The following ADCY1 variants were observed in gnomAD, a reference collection of about 807,000 sequenced individuals.
ADCY1 encodes adenylate cyclase 1.
ADCY1 carries 28 observed loss-of-function variants against 105.4 expected under a neutral mutation model. That is an observed-to-expected ratio of 0.27 (90% confidence interval 0.20 to 0.36). ADCY1 has a LOEUF of 0.36. Among genes scored for constraint, ADCY1 ranks in the 10% least tolerant of loss-of-function variants. ADCY1 has a pLI of 1.00. For missense variants in ADCY1, 977 were observed against 1,434.2 expected, an observed-to-expected ratio of 0.68 and a Z score of 5.15; for synonymous variants, 655 against 623.8, an observed-to-expected ratio of 1.05 and a Z score of -0.75.
chr7:45,684,870 C>A, intron 11 of ADCY1, 109 bp from the exon 12 acceptor site: 2 of 931,782 alleles, frequency 2.1e-6, no homozygotes, highest in Non-Finnish European at 1.7e-6. Context: ...GGATGTGGAC[C>A]TAGCAGCTTG....
At chr7:45,702,290 C>G (rs1026595069) in intron 14 of ADCY1, among the ~76,000 whole-genome samples, 1 of 152,190 alleles carries the variant, frequency 6.6e-6, no homozygotes, top group Non-Finnish European at 1.5e-5. Flanking sequence ...TACAAGTGTT[C>G]CCTCTAACAG....
Position 45,703,241 on chromosome 7 carries a change from A to T in ADCY1, c.2455-135A>T. Reference sequence around the variant, plus strand: ...GGATCTAGTCTTGCATCTAGTGGGGAGGAGGGACAGGAGCGTGGATGTAGA... The same window carrying T: ...GGATCTAGTCTTGCATCTAGTGGGGTGGAGGGACAGGAGCGTGGATGTAGA... On this transcript the variant is annotated intron_variant, in intron 14 of 19. Transcript: ENST00000297323. This position sits in a 1 kb window ranked among gnomAD's most constrained non-coding sequence, Gnocchi z 5.9. 1.3e-6 allele frequency: 1 copy of T among 783,036 alleles called. No individual in the cohort carries two copies. Among genetic ancestry groups the T allele is most frequent in the South Asian group, 1.5e-5 (1 of 65,278 alleles). The allele number at this position is 783,036 out of a possible 1,614,324, so 48.5% of individuals were successfully genotyped here. A position where few individuals can be genotyped will look rare whatever the true frequency, so the allele number is the denominator to read the frequency against.
At chr7:45,697,344 C>T (rs1784904669) in intron 14 of ADCY1, among the ~76,000 whole-genome samples, 1 of 150,890 alleles carries the variant, frequency 6.6e-6, no homozygotes, top group African/African-American at 2.4e-5. Context: ...GCTGTGCCCA[C>T]TGCAGCCTCA....
rs1794703296 is a variant in ADCY1, at chr7:45,647,805, T to C, written c.1021-865T>C. Among the ~76,000 whole-genome samples the C allele has an allele frequency of 6.6e-6, 1 of 152,232 alleles. No homozygotes were observed. Among genetic ancestry groups the C allele is most frequent in the South Asian group, 2.1e-4 (1 of 4,830 alleles). On this transcript the variant is annotated intron_variant, in intron 4 of 19. Transcript: ENST00000297323. This position sits in a 1 kb window ranked among gnomAD's most constrained non-coding sequence, Gnocchi z 4.6. ...GCAGTGGATTCATTATTATTTTAAA[T>C]GCATTTGTACATGAAAAAATTCTTA... is the stretch of plus-strand genomic sequence containing the variant.
At chr7:45,659,823 T>G (rs1267869745) in intron 6 of ADCY1, among the ~76,000 whole-genome samples, 1 of 152,230 alleles carries the variant, frequency 6.6e-6, no homozygotes, top group Non-Finnish European at 1.5e-5. Flanking sequence ...CAGCCATCCC[T>G]GCTGTCCTGC....
At position 45,719,538 on chromosome 7, in the gene ADCY1, T is replaced by G. The variant is rs185958251; in HGVS notation, c.*5543T>G. ...TGTATTTTTAAATTTCCCTGAAAAT[T>G]TAATCTATTCTGTTCCATATGAAGT... On this transcript the variant is annotated 3_prime_UTR_variant, in exon 20 of 20. Transcript: ENST00000297323. 5.3e-4 allele frequency: 80 copies of G among 152,342 alleles called. No homozygotes were observed. The highest frequency in any genetic ancestry group is 1.9e-3 in the African/African-American group (79 of 41,578). 9.4% of individuals were successfully genotyped at this position (152,342 alleles called of 1,614,324 possible).
intron 1 of ADCY1, among the ~76,000 whole-genome samples, chr7:45,590,017 A>G (rs1051909491): frequency 6.6e-6 from 1 of 152,222 alleles, no homozygotes; most frequent in African/African-American, 2.4e-5. Context: ...AAAAGAGAGG[A>G]GTGGCTGGTT....
chr7:45,658,532 C>G (rs1584310725), intron 6 of ADCY1, among the ~76,000 whole-genome samples: 1 of 152,162 alleles, frequency 6.6e-6, no homozygotes, highest in Non-Finnish European at 1.5e-5. Flanking sequence ...CACTGGCTGC[C>G]CCTCAGCAGG....
At chr7:45,595,554 G>A (rs776025946) in intron 2 of ADCY1, among the ~76,000 whole-genome samples, 3 of 152,032 alleles carry the variant, frequency 2.0e-5, no homozygotes, top group Admixed American at 6.6e-5. Flanking sequence ...TCAACCCTCC[G>A]TCCCGTTACA....
At chr7:45,661,987 G>C in intron 7 of ADCY1, 72 bp from the exon 8 acceptor site, 1 of 1,539,892 alleles carries the variant, frequency 6.5e-7, no homozygotes, top group Non-Finnish European at 8.8e-7. Flanking sequence ...TGTCAGGATG[G>C]CATTCCCAGT....
chr7:45,600,144 C>G (rs7810126), intron 2 of ADCY1, among the ~76,000 whole-genome samples: 25,448 of 152,238 alleles, frequency 0.17, 2,493 homozygotes, highest in African/African-American at 0.27. Flanking sequence ...TGAGGACATG[C>G]GATCTGCTGT....
chr7:45,582,087 C>G (rs532668228), intron 1 of ADCY1, among the ~76,000 whole-genome samples: 1 of 152,098 alleles, frequency 6.6e-6, no homozygotes. Context: ...CAAATACATG[C>G]ATGCTCACCC....
chr7:45,628,209 G>C (rs1349027393), intron 4 of ADCY1, among the ~76,000 whole-genome samples: 1 of 152,228 alleles, frequency 6.6e-6, no homozygotes, highest in Non-Finnish European at 1.5e-5. Flanking sequence ...TCTAAAGCTT[G>C]TGCTCGTATA....
chr7:45,646,293 G>A (rs1794662110), intron 4 of ADCY1, among the ~76,000 whole-genome samples: 1 of 152,198 alleles, frequency 6.6e-6, no homozygotes. Flanking sequence ...CAGTTTTGCA[G>A]GACAGAGACT....
intron 14 of ADCY1, among the ~76,000 whole-genome samples, chr7:45,688,472 G>A (rs117697442): frequency 0.015 from 2,321 of 152,224 alleles, 44 homozygotes; most frequent in South Asian, 0.05. Flanking sequence ...CTGGAGGCAA[G>A]TTATCACTCA....
chr7:45,700,218 G>A (rs1014136025), intron 14 of ADCY1, among the ~76,000 whole-genome samples: 3 of 152,150 alleles, frequency 2.0e-5, no homozygotes, highest in Non-Finnish European at 4.4e-5. Flanking sequence ...GCCCAGCCAG[G>A]GTCACCCTGA....
chr7:45,655,844 T>C (rs879532087), intron 5 of ADCY1, among the ~76,000 whole-genome samples: 1 of 152,118 alleles, frequency 6.6e-6, no homozygotes, highest in Non-Finnish European at 1.5e-5. Context: ...ACACTAACAG[T>C]GCACAAAAAC....
intron 14 of ADCY1, among the ~76,000 whole-genome samples, chr7:45,692,429 G>T (rs1167572823): frequency 6.6e-6 from 1 of 152,218 alleles, no homozygotes; most frequent in African/African-American, 2.4e-5. Context: ...TTTCAGTACA[G>T]TGAAGGGCGT....
intron 11 of ADCY1, among the ~76,000 whole-genome samples, chr7:45,682,995 T>G (rs1784591207): frequency 1.3e-5 from 2 of 152,142 alleles, no homozygotes; most frequent in South Asian, 4.1e-4. Flanking sequence ...TGCCTGCTTT[T>G]TCTCCCTCTC....
Sources: gnomAD v4.1 joint callset for allele counts (sites outside exome capture counted in the v4.1 genomes callset) on GRCh38, gnomAD v4.1.1 for gene constraint, Gnocchi (gnomAD v3.1) non-coding constraint, MANE v1.5 for transcripts, NCBI Gene and HGNC (gene_info 2026-07-23, HGNC 2026-07-21) for gene names.